KMT5C: variants seen among roughly 807,000 people sequenced by gnomAD.
The protein encoded by KMT5C is lysine methyltransferase 5C, also known as histone-lysine N-methyltransferase KMT5C.
KMT5C carries 16 observed loss-of-function variants against 38.2 expected under a neutral mutation model. The observed-to-expected ratio is 0.42, with a 90% confidence interval of 0.28 to 0.64. The LOEUF (loss-of-function observed/expected upper bound fraction) is 0.64. Among genes scored for constraint, KMT5C ranks in the 30% least tolerant of loss-of-function variants. KMT5C has a pLI of 0.23. For missense variants in KMT5C, 598 were observed against 665.1 expected (o/e 0.90, Z 1.11); for synonymous variants, 291 against 279.0 (o/e 1.04, Z -0.43).
At chr19:55,340,891 C>A (rs1395488863) in intron 1 of KMT5C, among the ~76,000 whole-genome samples, 1 of 152,000 alleles carries the variant, frequency 6.6e-6, no homozygotes, top group African/African-American at 2.4e-5. Flanking sequence ...GCCCCCAGCC[C>A]CCTCTCCAGC....
intron 3 of KMT5C, 22 bp from the exon 4 acceptor site, chr19:55,342,714 TCCTCAC>T: frequency 8.9e-7 from 1 of 1,124,706 alleles, no homozygotes; most frequent in Non-Finnish European, 1.4e-6. Context: ...CTGCCCCGCC[TCCTCAC>T]CCCCACCCTC....
chr19:55,347,394 G>T lies in KMT5C; in HGVS notation c.1334G>T (p.Arg445Leu). Residue 445 changes from arginine to leucine, a missense_variant, in exon 9 of 9, where the codon CGG (arginine) becomes CTG (leucine). By Grantham distance (102) the Arg-to-Leu change is moderately radical. Around this residue, in one of 3 missense-constraint regions of KMT5C, gnomAD observed 326 missense variants for 298.1 expected, o/e 1.09. Transcript: ENST00000255613. The surrounding 1 kb of genome is among the most constrained non-coding windows in gnomAD (Gnocchi z 4.6). ...FAPFSPPKRL[R>L]LVVSHGSIDL... ...CCCTTCTCCCCACCCAAGCGCCTAC[G>T]GCTGGTGGTCAGCCACGGCTCCATC... 2 of 1,578,784 alleles carry T rather than the reference G, an allele frequency of 1.3e-6. No homozygotes were observed. Among genetic ancestry groups the T allele is most frequent in the East Asian group, 2.3e-5 (1 of 44,132 alleles).
At chr19:55,340,256 A>T (rs1600259311) in intron 1 of KMT5C, among the ~76,000 whole-genome samples, 1 of 143,154 alleles carries the variant, frequency 7.0e-6, no homozygotes, top group Admixed American at 6.8e-5. Flanking sequence ...TGCACCCCCC[A>T]GGGCCTTTCC....
At position 55,343,003 on chromosome 19, in the gene KMT5C, A is replaced by G; in HGVS notation, c.386+152A>G. 1.6e-6 allele frequency: 1 copy of G among 626,488 alleles called. No homozygotes were observed. Among genetic ancestry groups the G allele is most frequent in the Admixed American group, 2.4e-5 (1 of 41,748 alleles). 38.8% of individuals were successfully genotyped at this position (626,488 alleles called of 1,614,324 possible). ...AGGAAGGTGGTGGGGCTAATCCCGGAAGACCTTTGTGGCTACCGTGGTGCC... is the reference window on the plus strand; with the variant it reads ...AGGAAGGTGGTGGGGCTAATCCCGGGAGACCTTTGTGGCTACCGTGGTGCC... On this transcript the variant is annotated intron_variant, in intron 4 of 8. Coordinates refer to ENST00000255613, the MANE Select transcript of KMT5C (RefSeq NM_032701.4). This position sits in a 1 kb window ranked among gnomAD's most constrained non-coding sequence, Gnocchi z 5.5.
chr19:55,342,334 A>T lies in KMT5C; in HGVS notation c.230A>T (p.Tyr77Phe). 1 of 1,562,260 alleles carries T rather than the reference A, an allele frequency of 6.4e-7. No homozygotes were observed. ...ALTLGGWTAR[Y>F]FQSRGPRQEA... ...ACGCTGGGAGGCTGGACGGCCCGCT[A>T]CTTCCAGAGCCGGGGCCCGCGGCAG... Residue 77 changes from tyrosine to phenylalanine, a missense_variant, in exon 3 of 9, where the codon TAC (tyrosine) becomes TTC (phenylalanine). Physicochemically the swap from Tyr to Phe is conservative, Grantham distance 22. Around this residue, in one of 3 missense-constraint regions of KMT5C, gnomAD observed 167 missense variants for 187.8 expected, o/e 0.89. Coordinates refer to ENST00000255613, the MANE Select transcript of KMT5C (RefSeq NM_032701.4).
chr19:55,344,592 C>T lies in KMT5C; in HGVS notation c.570+595C>T, dbSNP rs532473779. The T allele has an allele frequency of 2.1e-4, 91 of 432,634 alleles. 2 individuals are homozygous for T. Among genetic ancestry groups the T allele is most frequent in the South Asian group, 1.2e-3 (70 of 57,552 alleles). The allele number at this position is 432,634 out of a possible 1,614,324, so 26.8% of individuals were successfully genotyped here. A position where few individuals can be genotyped will look rare whatever the true frequency, so the allele number is the denominator to read the frequency against. Reference sequence around the variant, plus strand: ...GAGCTGGGAGCTGTGCCAATTTGGGCAGGGAGTGTGGCAGGGAGGCAGGGC... The same window carrying T: ...GAGCTGGGAGCTGTGCCAATTTGGGTAGGGAGTGTGGCAGGGAGGCAGGGC... On this transcript the variant is annotated intron_variant, in intron 6 of 8. Transcript: ENST00000255613.
chr19:55,342,176 C>G, intron 2 of KMT5C, 39 bp from the exon 3 acceptor site: 3 of 1,600,002 alleles, frequency 1.9e-6, no homozygotes, highest in Admixed American at 1.7e-5. Context: ...GGCCGGGGCC[C>G]GGGAAGGCCC....
Position 55,343,207 on chromosome 19 carries a change from T to C in KMT5C, c.386+356T>C, listed in dbSNP as rs2123192007. 2 of 192,314 alleles carry C rather than the reference T, an allele frequency of 1.0e-5. No homozygotes were observed. Among genetic ancestry groups the C allele is most frequent in the Non-Finnish European group, 1.0e-5 (1 of 98,564 alleles). 11.9% of individuals were successfully genotyped at this position (192,314 alleles called of 1,614,324 possible). A position where few individuals can be genotyped will look rare whatever the true frequency, so the allele number is the denominator to read the frequency against. ...CCCTGCCCCTGCGGGGTTCACAGTC[T>C]GGTGAGGAGGTGGGGGGCAGACAAG... On this transcript the variant is annotated intron_variant, in intron 4 of 8. Coordinates refer to ENST00000255613, the MANE Select transcript of KMT5C (RefSeq NM_032701.4). This position sits in a 1 kb window ranked among gnomAD's most constrained non-coding sequence, Gnocchi z 5.5.
Position 55,343,894 on chromosome 19 carries a change from TGGAGGGGTGTAGTG to T in KMT5C, c.550+58_551-64del, listed in dbSNP as rs1292924223. ...AGGACGGGATAGAGCCAGGCAGGGC[TGGAGGGGTGTAGTG>T]GGAGGGTTCTGCGACTGAGCTGCCG... On this transcript the variant is annotated intron_variant, in intron 5 of 8. Coordinates refer to ENST00000255613, the MANE Select transcript of KMT5C (RefSeq NM_032701.4). The surrounding 1 kb of genome is among the most constrained non-coding windows in gnomAD (Gnocchi z 5.5). The T allele has an allele frequency of 4.4e-6, 7 of 1,607,908 alleles. No individual in the cohort carries two copies. Among genetic ancestry groups the T allele is most frequent in the Non-Finnish European group, 6.0e-6 (7 of 1,175,060 alleles).
rs892577452 is a variant in KMT5C at position 55,346,967 on chromosome 19, C to T, written c.907C>T (p.Pro303Ser). The change falls in exon 9 of 9, where the codon CCC (proline) becomes TCC (serine). Residue 303 changes from proline to serine, a missense_variant. Physicochemically the swap from Pro to Ser is moderately conservative, Grantham distance 74. This residue lies in a region of KMT5C where 326 missense variants were observed against 298.1 expected (regional missense o/e 1.09). Transcript: ENST00000255613. ...RRDPFCAACQ[P>S]LRLPACSARP... ...CTGGGCCTTCACAGCCGCCTGCCAG[C>T]CCCTGCGCCTGCCAGCCTGCAGCGC... 2.0e-6 allele frequency: 2 copies of T among 1,007,336 alleles called. No individual in the cohort carries two copies. The highest frequency in any genetic ancestry group is 4.8e-5 in the East Asian group (2 of 42,090). The allele number at this position is 1,007,336 out of a possible 1,614,324, so 62.4% of individuals were successfully genotyped here.
chr19:55,343,730 G>T lies in KMT5C; in HGVS notation c.437G>T (p.Arg146Leu), dbSNP rs372310484. The T allele has an allele frequency of 6.3e-7, 1 of 1,581,882 alleles. No homozygotes were observed. The highest frequency in any genetic ancestry group is 2.3e-5 in the East Asian group (1 of 42,954). ...CTGGTGGGCTGCATTGCAGAGCTGC[G>T]GGAGGCAGATGAGGGGCTGCTGAGG... is the stretch of plus-strand genomic sequence containing the variant. Reference protein sequence around the residue: ...ELLVGCIAELREADEGLLRAG... With the variant: ...ELLVGCIAELLEADEGLLRAG... The change falls in exon 5 of 9, where the codon CGG becomes CTG. Residue 146 changes from arginine to leucine, a missense_variant. Arg to Leu is a moderately radical substitution (Grantham distance 102). Around this residue, in one of 3 missense-constraint regions of KMT5C, gnomAD observed 105 missense variants for 179.2 expected, o/e 0.59. Coordinates refer to ENST00000255613, the MANE Select transcript of KMT5C (RefSeq NM_032701.4). The surrounding 1 kb of genome is among the most constrained non-coding windows in gnomAD (Gnocchi z 5.5).
At chr19:55,346,769 C>A in intron 8 of KMT5C, 82 bp downstream of exon 8, 2 of 1,265,162 alleles carry the variant, frequency 1.6e-6, no homozygotes, top group Non-Finnish European at 2.1e-6. Flanking sequence ...GAGCTCTCTG[C>A]CTAGCCTGGA....
intron 6 of KMT5C, 77 bp downstream of exon 6, chr19:55,344,074 C>A: frequency 1.3e-6 from 2 of 1,518,372 alleles, no homozygotes; most frequent in South Asian, 2.4e-5. Context: ...GGTTTTTGGT[C>A]AGTAAAGAGC....
chr19:55,340,031 C>T (rs1165147655), intron 1 of KMT5C, 74 bp downstream of exon 1: 1 of 151,746 alleles, frequency 6.6e-6, no homozygotes. Flanking sequence ...GCTCCCCAGT[C>T]GCCCCCTGCC....
Position 55,343,359 on chromosome 19 carries a change from T to G in KMT5C, c.387-321T>G. The stretch of plus-strand genomic sequence containing the variant: ...CCGCCTGAGGGTCTGGTGGGGCGAG[T>G]AGGGGGTAGTCCAGGCAGGAGGGAT... On this transcript the variant is annotated intron_variant, in intron 4 of 8. Transcript: ENST00000255613. This position sits in a 1 kb window ranked among gnomAD's most constrained non-coding sequence, Gnocchi z 5.5. The G allele has an allele frequency of 1.6e-5, 6 of 383,300 alleles. No homozygotes were observed. Among genetic ancestry groups the G allele is most frequent in the South Asian group, 6.7e-5 (2 of 29,744 alleles). 23.7% of individuals were successfully genotyped at this position (383,300 alleles called of 1,614,324 possible). A position where few individuals can be genotyped will look rare whatever the true frequency, so the allele number is the denominator to read the frequency against.
chr19:55,346,934 C>T, intron 8 of KMT5C, 22 bp from the exon 9 acceptor site: 1 of 854,876 alleles, frequency 1.2e-6, no homozygotes. Flanking sequence ...TCCTCCTCTC[C>T]CTGCCACCTG....
intron 6 of KMT5C, chr19:55,344,361 C>CAAA: frequency 6.8e-4 from 109 of 160,932 alleles, no homozygotes; most frequent in South Asian, 1.4e-3. Flanking sequence ...GACTCTGTCT[C>CAAA]AAAAAAAAAA....
chr19:55,347,081 C>T lies in KMT5C; in HGVS notation c.1021C>T (p.Arg341Trp), dbSNP rs1242515388. ...RPRKRRRPRPRRAPVLSTHHA... is the reference protein window; with the variant it reads ...RPRKRRRPRPWRAPVLSTHHA... ...CCGGAAGCGCCGACGCCCCCGGCCC[C>T]GGAGGGCCCCAGTGCTCTCCACCCA... Residue 341 changes from arginine to tryptophan, a missense_variant, in exon 9 of 9, where the codon CGG becomes TGG. Transcript: ENST00000255613. This position sits in a 1 kb window ranked among gnomAD's most constrained non-coding sequence, Gnocchi z 4.6. 1.3e-5 allele frequency: 20 copies of T among 1,572,508 alleles called. 1 individual carries two copies. The South Asian group carries it at 1.4e-4, about 11-fold the overall frequency.
Position 55,343,094 on chromosome 19 carries a change from C to A in KMT5C, c.386+243C>A, listed in dbSNP as rs1037095348. On this transcript the variant is annotated intron_variant, in intron 4 of 8. Transcript: ENST00000255613. This position sits in a 1 kb window ranked among gnomAD's most constrained non-coding sequence, Gnocchi z 5.5. Reference sequence around the variant, plus strand: ...GGGCTTCCAGGAAAGAACTAGGCTTCTGGTCAGGGCCGTGCTGTCCTTACC... The same window carrying A: ...GGGCTTCCAGGAAAGAACTAGGCTTATGGTCAGGGCCGTGCTGTCCTTACC... 4.0e-6 allele frequency: 2 copies of A among 500,450 alleles called. No individual in the cohort carries two copies. The highest frequency in any genetic ancestry group is 7.3e-6 in the Non-Finnish European group (2 of 273,644). The allele number at this position is 500,450 out of a possible 1,614,324, so 31.0% of individuals were successfully genotyped here.
Sources: gnomAD v4.1 joint callset for allele counts (sites outside exome capture counted in the v4.1 genomes callset) on GRCh38, gnomAD v4.1.1 for gene constraint, gnomAD v4.1.1 regional missense constraint, Gnocchi (gnomAD v3.1) non-coding constraint, MANE v1.5 for transcripts, NCBI Gene and HGNC (gene_info 2026-07-23, HGNC 2026-07-21) for gene names.